The following PCLO variants were observed in gnomAD, a reference collection of about 807,000 sequenced individuals.
The protein encoded by PCLO is piccolo presynaptic cytomatrix protein.
A neutral mutation model predicts 427.5 loss-of-function variants in PCLO; 82 were observed. The ratio of observed to expected loss-of-function variants is 0.19; its 90% CI spans 0.16 to 0.23. PCLO has a LOEUF of 0.23. Ranked by LOEUF, PCLO falls within the 10% of genes least tolerant of loss-of-function variation. The probability of loss-of-function intolerance (pLI) is 1.00; values close to 1 mark genes in which losing one functional copy is unlikely to be tolerated. For synonymous variants in PCLO, 2,357 were observed against 2,155.4 expected (o/e 1.09, Z -2.59); for missense variants, 6,239 against 6,115.9 (o/e 1.02, Z -0.67).
chr7:82,869,083 G>A (rs1793167342), intron 10 of PCLO, among the ~76,000 whole-genome samples: 1 of 151,970 alleles, frequency 6.6e-6, no homozygotes, highest in Admixed American at 6.6e-5. Flanking sequence ...TGGAGAACTA[G>A]TTCAAAAAAT....
intron 10 of PCLO, among the ~76,000 whole-genome samples, chr7:82,849,357 T>A (rs1792588972): frequency 1.3e-5 from 2 of 152,152 alleles, no homozygotes; most frequent in Non-Finnish European, 2.9e-5. Context: ...ATCTGCTCCA[T>A]ACCACAATGC....
At chr7:83,145,024 C>T (rs189790974) in intron 2 of PCLO, among the ~76,000 whole-genome samples, 1 of 152,220 alleles carries the variant, frequency 6.6e-6, no homozygotes, top group Admixed American at 6.5e-5. Flanking sequence ...AGGTACTTTA[C>T]TACTTTATAT....
At chr7:82,775,664 G>T (rs1272886012) in intron 22 of PCLO, among the ~76,000 whole-genome samples, 1 of 152,108 alleles carries the variant, frequency 6.6e-6, no homozygotes, top group Non-Finnish European at 1.5e-5. Flanking sequence ...AGATTGTGGG[G>T]CTTACAGTTT....
chr7:83,009,159 T>C (rs2115977837), intron 3 of PCLO, among the ~76,000 whole-genome samples: 1 of 151,926 alleles, frequency 6.6e-6, no homozygotes, highest in African/African-American at 2.4e-5. Context: ...CTTTCTTGTC[T>C]CCATGCTTAG....
At chr7:83,128,945 T>A (rs1379678262) in intron 3 of PCLO, among the ~76,000 whole-genome samples, 1 of 152,156 alleles carries the variant, frequency 6.6e-6, no homozygotes, top group Non-Finnish European at 1.5e-5. Context: ...GTAACAGCCA[T>A]CATTATTCCA....
At position 82,760,755 on chromosome 7, in the gene PCLO, T is replaced by G. The variant is rs375631203; in HGVS notation, c.15172A>C (p.Ile5058Leu). The change falls in exon 24 of 25, where the codon ATT becomes CTT. Residue 5058 changes from isoleucine (I) to leucine (L), a missense_variant. Coordinates refer to ENST00000333891, the MANE Select transcript of PCLO (RefSeq NM_033026.6). ...TTGATCACCTTTTTTTGGGTAGAAA[T>G]ATTCATCACATATATTTTCACATAT... ...DLYVKIYVMNISTQKKVIKKK... is the reference protein window; with the variant it reads ...DLYVKIYVMNLSTQKKVIKKK... 1 of 1,497,862 alleles carries G rather than the reference T, an allele frequency of 6.7e-7. No individual in the cohort carries two copies. Among genetic ancestry groups the G allele is most frequent in the African/African-American group, 1.4e-5 (1 of 72,252 alleles). The allele number at this position is 1,497,862 out of a possible 1,614,324, so 92.8% of individuals were successfully genotyped here. A position where few individuals can be genotyped will look rare whatever the true frequency, so the allele number is the denominator to read the frequency against.
intron 7 of PCLO, among the ~76,000 whole-genome samples, chr7:82,911,384 T>C (rs1794316273): frequency 6.6e-6 from 1 of 152,072 alleles, no homozygotes. Context: ...AAAAAGTAAA[T>C]TTTATAACAA....
At position 82,916,239 on chromosome 7, in the gene PCLO, T is replaced by C. The variant is rs1270978501; in HGVS notation, c.11747A>G (p.His3916Arg). ...QSHFEQQTLY[H>R]QQVSPYQTQP... ...AGTCTGATAAGGTGAAACTTGCTGA[T>C]GGTACAAAGTTTGTTGCTCAAAATG... is the stretch of plus-strand genomic sequence containing the variant. Residue 3916 changes from histidine to arginine, a missense_variant, in exon 7 of 25, where the codon CAT becomes CGT. His to Arg is a conservative substitution (Grantham distance 29, BLOSUM62 0). This residue lies in a region of PCLO where 680 missense variants were observed against 677.3 expected (regional missense o/e 1.00). Transcript: ENST00000333891. 2 of 1,613,580 alleles carry C rather than the reference T, an allele frequency of 1.2e-6. No homozygotes were observed. The highest frequency in any genetic ancestry group is 2.2e-5 in the East Asian group (1 of 44,854).
intron 6 of PCLO, among the ~76,000 whole-genome samples, chr7:82,922,257 A>G (rs951240143): frequency 1.3e-5 from 2 of 151,996 alleles, no homozygotes; most frequent in Admixed American, 6.6e-5. Context: ...AAAGGAATAT[A>G]TATCGATCTA....
At chr7:82,996,587 A>T (rs2115877986) in intron 3 of PCLO, among the ~76,000 whole-genome samples, 1 of 152,118 alleles carries the variant, frequency 6.6e-6, no homozygotes, top group Non-Finnish European at 1.5e-5. Flanking sequence ...CTTATGAATA[A>T]AATAGCCCAT....
intron 8 of PCLO, among the ~76,000 whole-genome samples, chr7:82,907,932 A>G (rs1323037920): frequency 6.6e-6 from 1 of 152,058 alleles, no homozygotes; most frequent in East Asian, 1.9e-4. Context: ...TTTCTTTTAT[A>G]CCTCAATATG....
intron 22 of PCLO, among the ~76,000 whole-genome samples, chr7:82,788,221 TTA>T (rs952098920): frequency 1.1e-4 from 16 of 147,528 alleles, no homozygotes; most frequent in Non-Finnish European, 1.6e-4. Flanking sequence ...TAATTAATAA[TTA>T]TATATAATAT....
At chr7:82,875,111 T>A (rs1793338340) in intron 10 of PCLO, among the ~76,000 whole-genome samples, 1 of 152,184 alleles carries the variant, frequency 6.6e-6, no homozygotes, top group South Asian at 2.1e-4. Flanking sequence ...GTGGTAGGAA[T>A]GTTTACTAAA....
intron 3 of PCLO, among the ~76,000 whole-genome samples, chr7:83,072,386 T>C (rs1021550338): frequency 6.6e-6 from 1 of 152,064 alleles, no homozygotes; most frequent in Non-Finnish European, 1.5e-5. Context: ...AAAAATAATA[T>C]TATCCAAAAT....
rs1411904555 is a variant in PCLO at position 82,952,586 on chromosome 7, A to T, written c.8367T>A (p.Ser2789=). 1 of 1,613,832 alleles carries T rather than the reference A, an allele frequency of 6.2e-7. No homozygotes were observed. Among genetic ancestry groups the T allele is most frequent in the African/African-American group, 1.3e-5 (1 of 74,926 alleles). The change falls in exon 5 of 25, where the codon TCT becomes TCA. Residue 2789 remains serine, a synonymous_variant. Coordinates refer to ENST00000333891, the MANE Select transcript of PCLO (RefSeq NM_033026.6). ...SVTSSIVTPV[S]LATETVTFVT... ...CAAAGGTCACTGTCTCAGTGGCCAGAGATACAGGAGTCACTATTGATGATG... is the reference window on the plus strand; with the variant it reads ...CAAAGGTCACTGTCTCAGTGGCCAGTGATACAGGAGTCACTATTGATGATG...
chr7:82,846,994 CT>C, intron 11 of PCLO, 144 bp downstream of exon 11: 1 of 586,516 alleles, frequency 1.7e-6, no homozygotes, highest in Non-Finnish European at 3.0e-6. Flanking sequence ...TAGCTGAATT[CT>C]TTCTATGCTT....
At chr7:83,097,400 T>C (rs1790615957) in intron 3 of PCLO, among the ~76,000 whole-genome samples, 1 of 145,284 alleles carries the variant, frequency 6.9e-6, no homozygotes, top group East Asian at 2.0e-4. Context: ...CGGGCGCCTG[T>C]AGTCCCAGCT....
Position 82,826,609 on chromosome 7 carries a change from A to T in PCLO, c.14395T>A (p.Ser4799Thr), listed in dbSNP as rs754755595. 8.7e-6 allele frequency: 14 copies of T among 1,607,250 alleles called. No homozygotes were observed. Among genetic ancestry groups the T allele is most frequent in the Non-Finnish European group, 1.2e-5 (14 of 1,175,684 alleles). ...CTTACCTCCCCAAGGAAGTCGTTGG[A>T]TGAAAATCTATCATAATCCCAAACT... ...VTVWDYDRFS[S>T]NDFLGEVLID... The change falls in exon 18 of 25, where the codon TCC (serine) becomes ACC (threonine). Residue 4799 changes from serine to threonine, a missense_variant. Coordinates refer to ENST00000333891, the MANE Select transcript of PCLO (RefSeq NM_033026.6).
intron 10 of PCLO, among the ~76,000 whole-genome samples, chr7:82,873,311 C>G (rs533297456): frequency 1.2e-4 from 18 of 151,788 alleles, no homozygotes; most frequent in African/African-American, 4.4e-4. Context: ...ATCCACACTC[C>G]CGTCATCCTC....
Sources: gnomAD v4.1 joint callset for allele counts (sites outside exome capture counted in the v4.1 genomes callset) on GRCh38, gnomAD v4.1.1 for gene constraint, gnomAD v4.1.1 regional missense constraint, MANE v1.5 for transcripts, NCBI Gene and HGNC (gene_info 2026-07-23, HGNC 2026-07-21) for gene names.